VSNL1: variants seen among roughly 807,000 people sequenced by gnomAD.
The protein encoded by VSNL1 is visinin-like protein 1.
Under a neutral mutation model 20.4 loss-of-function variants are expected in VSNL1, and 6 were observed. The observed-to-expected ratio is 0.29, with a 90% CI of 0.16 to 0.58. The LOEUF is 0.58. Ranked by LOEUF, VSNL1 falls within the 20% of genes least tolerant of loss-of-function variation. The probability of loss-of-function intolerance (pLI) is 0.90; values close to 1 mark genes in which losing one functional copy is unlikely to be tolerated. For synonymous variants in VSNL1, 93 were observed against 86.4 expected, an observed-to-expected ratio of 1.08 and a Z score of -0.42; for missense variants, 100 against 234.5, an observed-to-expected ratio of 0.43 and a Z score of 3.75.
intron 2 of VSNL1, among the ~76,000 whole-genome samples, chr2:17,637,523 T>A (rs1665782788): frequency 6.6e-6 from 1 of 152,042 alleles, no homozygotes; most frequent in African/African-American, 2.4e-5. Flanking sequence ...CTGGCCCATC[T>A]CCAGCTACCA....
At chr2:17,651,439 C>T (rs570460244) in intron 3 of VSNL1, among the ~76,000 whole-genome samples, 2 of 152,234 alleles carry the variant, frequency 1.3e-5, no homozygotes, top group African/African-American at 2.4e-5. Context: ...GGAGGGCACA[C>T]AGACCAATGC....
At chr2:17,555,237 A>G (rs1009246264) in intron 1 of VSNL1, among the ~76,000 whole-genome samples, 8 of 152,198 alleles carry the variant, frequency 5.3e-5, no homozygotes, top group Admixed American at 3.3e-4. Context: ...ACTAGTTACT[A>G]ATTCTCAGGG....
chr2:17,541,914 T>C (rs892594731), intron 1 of VSNL1, among the ~76,000 whole-genome samples: 1 of 152,150 alleles, frequency 6.6e-6, no homozygotes, highest in African/African-American at 2.4e-5. Context: ...CATTGCCTGA[T>C]CAGTGCCCTG....
chr2:17,559,367 A>T (rs1663759758), intron 1 of VSNL1, among the ~76,000 whole-genome samples: 1 of 151,324 alleles, frequency 6.6e-6, no homozygotes, highest in Admixed American at 6.6e-5. Flanking sequence ...TTTAATGTAG[A>T]TGTTCAATTT....
At chr2:17,640,271 A>G (rs1665855016) in intron 2 of VSNL1, among the ~76,000 whole-genome samples, 1 of 147,734 alleles carries the variant, frequency 6.8e-6, no homozygotes, top group Admixed American at 6.7e-5. Flanking sequence ...AAAAAAAAAG[A>G]AAGAAAAGAA....
chr2:17,636,162 C>T (rs1665743632), intron 2 of VSNL1, among the ~76,000 whole-genome samples: 1 of 151,922 alleles, frequency 6.6e-6, no homozygotes, highest in South Asian at 2.1e-4. Context: ...AATAGTAAGC[C>T]AGGGTCTTGG....
At chr2:17,638,707 C>A (rs925654124) in intron 2 of VSNL1, among the ~76,000 whole-genome samples, 1 of 152,224 alleles carries the variant, frequency 6.6e-6, no homozygotes, top group Non-Finnish European at 1.5e-5. Flanking sequence ...TACTAGCAAA[C>A]TCTCCAGAGA....
At chr2:17,554,764 A>T (rs1208935689) in intron 1 of VSNL1, among the ~76,000 whole-genome samples, 1 of 152,170 alleles carries the variant, frequency 6.6e-6, no homozygotes, top group Non-Finnish European at 1.5e-5. Flanking sequence ...TGGAAAACAA[A>T]ACAGAAAAAA....
chr2:17,641,579 T>G (rs949269050), intron 2 of VSNL1, among the ~76,000 whole-genome samples: 3 of 152,234 alleles, frequency 2.0e-5, no homozygotes, highest in Non-Finnish European at 4.4e-5. Context: ...TGACCCGATT[T>G]ATAGTGCAAA....
chr2:17,630,612 G>A (rs1013533266), intron 2 of VSNL1, among the ~76,000 whole-genome samples: 33 of 152,186 alleles, frequency 2.2e-4, no homozygotes, highest in African/African-American at 8.0e-4. Context: ...AAAAGAAGAA[G>A]AGAGAAGATG....
At chr2:17,644,546 A>G (rs1572220277) in intron 2 of VSNL1, among the ~76,000 whole-genome samples, 4 of 152,218 alleles carry the variant, frequency 2.6e-5, no homozygotes, top group South Asian at 4.1e-4. Flanking sequence ...TGGGAGGAGA[A>G]GGAGACTGCA....
At chr2:17,593,017 G>A (rs1259336034) in intron 2 of VSNL1, among the ~76,000 whole-genome samples, 1 of 152,054 alleles carries the variant, frequency 6.6e-6, no homozygotes, top group Non-Finnish European at 1.5e-5. Context: ...AACTTTTTCT[G>A]ATTAAAATAC....
At chr2:17,628,154 G>A (rs1665552707) in intron 2 of VSNL1, among the ~76,000 whole-genome samples, 1 of 152,204 alleles carries the variant, frequency 6.6e-6, no homozygotes, top group Non-Finnish European at 1.5e-5. Context: ...TCAAATCCAG[G>A]CTGGAGATTG....
At chr2:17,616,464 C>T (rs915872220) in intron 2 of VSNL1, among the ~76,000 whole-genome samples, 2 of 152,204 alleles carry the variant, frequency 1.3e-5, no homozygotes, top group Non-Finnish European at 2.9e-5. Flanking sequence ...TTCTCTGCAG[C>T]ACTGTGACGA....
chr2:17,566,366 C>A (rs998433553), intron 1 of VSNL1, among the ~76,000 whole-genome samples: 1 of 152,126 alleles, frequency 6.6e-6, no homozygotes, highest in Non-Finnish European at 1.5e-5. Flanking sequence ...TTCCCACCAG[C>A]AGTATATTAG....
At chr2:17,609,580 A>G (rs1458019810) in intron 2 of VSNL1, among the ~76,000 whole-genome samples, 1 of 152,172 alleles carries the variant, frequency 6.6e-6, no homozygotes. Flanking sequence ...TTCCTTGCAG[A>G]TGGGATTTGA....
intron 2 of VSNL1, among the ~76,000 whole-genome samples, chr2:17,608,720 T>A (rs1244036356): frequency 6.6e-6 from 1 of 152,156 alleles, no homozygotes; most frequent in Non-Finnish European, 1.5e-5. Context: ...GGATTCTGGT[T>A]GACAGAGAAT....
At chr2:17,550,268 C>T (rs1293702358) in intron 1 of VSNL1, among the ~76,000 whole-genome samples, 2 of 152,074 alleles carry the variant, frequency 1.3e-5, no homozygotes, top group East Asian at 1.9e-4. Flanking sequence ...ACTCTAGGTC[C>T]TGGGAAAGAA....
chr2:17,600,336 G>A (rs1343383182), intron 2 of VSNL1, among the ~76,000 whole-genome samples: 1 of 152,196 alleles, frequency 6.6e-6, no homozygotes, highest in Admixed American at 6.5e-5. Flanking sequence ...GAGCAAAAGT[G>A]CTTCATAAGC....
Sources: allele counts gnomAD v4.1 joint callset (sites outside exome capture counted in the v4.1 genomes callset), GRCh38; gene constraint gnomAD v4.1.1; transcripts MANE v1.5; gene names NCBI Gene and HGNC (gene_info 2026-07-23, HGNC 2026-07-21).